SARS2: variants seen among roughly 807,000 people sequenced by gnomAD.
SARS2 encodes the protein seryl-tRNA synthetase 2, mitochondrial.
SARS2 carries 52 observed loss-of-function variants against 66.8 expected under a neutral mutation model. The observed-to-expected ratio is 0.78, with a 90% CI of 0.62 to 0.98. SARS2 has a LOEUF of 0.98. SARS2 is among the 50% of genes least tolerant of loss of function. The pLI is 0.00. For synonymous variants in SARS2, 306 were observed against 281.4 expected (o/e 1.09, Z -0.87); for missense variants, 673 against 706.3 (o/e 0.95, Z 0.53).
Position 38,930,757 on chromosome 19 carries a change from G to T in SARS2, c.-21C>A, listed in dbSNP as rs745872060. On this transcript the variant is annotated 5_prime_UTR_variant, in exon 1 of 16. Transcript: ENST00000221431. ...GCCATCTTGGACCGGGAACAAGGCG[G>T]CACTTCGTCCCGCCCACTCCGCGTT... 5.0e-6 allele frequency: 8 copies of T among 1,609,854 alleles called. No homozygotes were observed. Among genetic ancestry groups the T allele is most frequent in the African/African-American group, 2.7e-5 (2 of 74,932 alleles).
intron 1 of SARS2, 38 bp downstream of exon 1, chr19:38,930,432 A>C (rs1600175780): frequency 1.3e-6 from 2 of 1,564,610 alleles, no homozygotes; most frequent in African/African-American, 2.7e-5. Context: ...TCCGTAAAGC[A>C]AACGTCTGCG....
chr19:38,923,220 T>TG (rs2078796224), intron 2 of SARS2, among the ~76,000 whole-genome samples: 1 of 38,004 alleles, frequency 2.6e-5, no homozygotes, highest in East Asian at 1.0e-3. Flanking sequence ...TCAGGTTTTC[T>TG]TTTTTTTTTT....
intron 1 of SARS2, 126 bp downstream of exon 1, chr19:38,930,344 T>C: frequency 1.6e-6 from 2 of 1,268,332 alleles, no homozygotes; most frequent in Admixed American, 2.6e-5. Context: ...GCACAAGACG[T>C]TGGCTAACTT....
At position 38,915,551 on chromosome 19, in the gene SARS2, G is replaced by C. The variant is rs1480779855; in HGVS notation, c.*55C>G. On this transcript the variant is annotated 3_prime_UTR_variant, in exon 16 of 16. Transcript: ENST00000221431. ...GCAACACAGGTCCCAGGTGTCCGGGGTCTCCTGAACTCCAGGAAGCAGTGA... is the reference window on the plus strand; with the variant it reads ...GCAACACAGGTCCCAGGTGTCCGGGCTCTCCTGAACTCCAGGAAGCAGTGA... The C allele has an allele frequency of 7.9e-5, 127 of 1,597,606 alleles. No homozygotes were observed. Among genetic ancestry groups the C allele is most frequent in the Non-Finnish European group, 1.1e-4 (125 of 1,174,050 alleles).
chr19:38,923,639 A>G (rs1974579358), intron 2 of SARS2, among the ~76,000 whole-genome samples: 1 of 151,690 alleles, frequency 6.6e-6, no homozygotes, highest in South Asian at 2.1e-4. Flanking sequence ...GTTGGAGAGC[A>G]GCCTGGCCAA....
chr19:38,916,398 G>A (rs978743431), intron 12 of SARS2, 84 bp from the exon 13 acceptor site: 3 of 1,278,582 alleles, frequency 2.3e-6, no homozygotes, highest in South Asian at 1.2e-5. Flanking sequence ...GGAAGAGAAG[G>A]CAGCCAAAAA....
Position 38,922,274 on chromosome 19 carries a change from G to C in SARS2, c.364-7C>G. ...CACCACTGTCCTGGTTTGCCTGGTA[G>C]AAAAGAGACAGGGTGGGTGATTAGG... On this transcript the variant is annotated splice_polypyrimidine_tract_variant and splice_region_variant and intron_variant, in intron 2 of 15. Coordinates refer to ENST00000221431, the MANE Select transcript of SARS2 (RefSeq NM_017827.4). 1.2e-6 allele frequency: 2 copies of C among 1,614,050 alleles called. No homozygotes were observed. Among genetic ancestry groups the C allele is most frequent in the Non-Finnish European group, 1.7e-6 (2 of 1,179,946 alleles).
chr19:38,917,190 C>T (rs771812503), intron 12 of SARS2, among the ~76,000 whole-genome samples: 18 of 152,072 alleles, frequency 1.2e-4, no homozygotes, highest in Non-Finnish European at 2.1e-4. Context: ...GAACTCCTGG[C>T]CTCAAGCAAT....
Position 38,922,606 on chromosome 19 carries a change from C to T in SARS2, c.364-339G>A, listed in dbSNP as rs1324040808. Among the ~76,000 whole-genome samples the T allele has an allele frequency of 3.3e-5, 5 of 152,168 alleles. No individual in the cohort carries two copies. In the East Asian group the frequency reaches 9.6e-4, roughly 29 times the overall value. On this transcript the variant is annotated intron_variant, in intron 2 of 15. Transcript: ENST00000221431. The stretch of plus-strand genomic sequence containing the variant: ...CTGTGATATGGTTTGGCTGTGTCTC[C>T]ACCCAAATAATATCTCAAATTGTAA...
At chr19:38,918,576 T>C (rs754474435) in intron 8 of SARS2, 46 bp from the exon 9 acceptor site, 18 of 1,518,532 alleles carry the variant, frequency 1.2e-5, no homozygotes, top group Middle Eastern at 1.7e-4. Context: ...CAGGTAACCC[T>C]GGCCTCTCGT....
chr19:38,915,993 G>A, intron 14 of SARS2, 44 bp downstream of exon 14: 1 of 1,612,202 alleles, frequency 6.2e-7, no homozygotes, highest in Non-Finnish European at 8.5e-7. Flanking sequence ...GGCGGCAGAG[G>A]CTGCGGGCGA....
Position 38,918,739 on chromosome 19 carries a change from C to A in SARS2, c.807+27G>T, listed in dbSNP as rs115226793. The A allele has an allele frequency of 7.1e-6, 11 of 1,554,488 alleles. No individual in the cohort carries two copies. The South Asian group carries it at 1.1e-4, about 15-fold the overall frequency. On this transcript the variant is annotated intron_variant, in intron 8 of 15. Coordinates refer to ENST00000221431, the MANE Select transcript of SARS2 (RefSeq NM_017827.4). Reference sequence around the variant, plus strand: ...CGGCAGGGCCTGACACCCAGGTGGGCGAGGGAAGCGGAGAGGCCTCACTCA... The same window carrying A: ...CGGCAGGGCCTGACACCCAGGTGGGAGAGGGAAGCGGAGAGGCCTCACTCA...
At chr19:38,930,234 GAAAC>G (rs1395888148) in intron 1 of SARS2, 2 of 579,056 alleles carry the variant, frequency 3.5e-6, no homozygotes, top group African/African-American at 3.7e-5. Flanking sequence ...CGAGCAGTAT[GAAAC>G]AAGCGCATAA....
intron 1 of SARS2, among the ~76,000 whole-genome samples, chr19:38,928,993 G>A (rs1974678114): frequency 6.6e-6 from 1 of 152,132 alleles, no homozygotes; most frequent in African/African-American, 2.4e-5. Flanking sequence ...AAGGTGGGTG[G>A]ATCACTTGAG....
intron 1 of SARS2, among the ~76,000 whole-genome samples, chr19:38,929,636 T>C (rs534415430): frequency 1.3e-5 from 2 of 151,892 alleles, no homozygotes; most frequent in African/African-American, 4.8e-5. Flanking sequence ...CACTTCCCAG[T>C]TGCATGACCT....
chr19:38,916,282 A>C lies in SARS2; in HGVS notation c.1193T>G (p.Leu398Arg). The C allele has an allele frequency of 1.9e-6, 3 of 1,614,022 alleles. No individual in the cohort carries two copies. Among genetic ancestry groups the C allele is most frequent in the Non-Finnish European group, 2.5e-6 (3 of 1,179,974 alleles). ...AATGTCAAACTTGCGGTAGGCGGGGAGGCCCAGTTCTTGGGTGGGCATATC... is the reference window on the plus strand; with the variant it reads ...AATGTCAAACTTGCGGTAGGCGGGGCGGCCCAGTTCTTGGGTGGGCATATC... The part of the protein sequence containing the change: ...VLDMPTQELG[L>R]PAYRKFDIEA... The change falls in exon 13 of 16, where the codon CTC becomes CGC. Residue 398 changes from leucine to arginine, a missense_variant. By Grantham distance (102) the Leu-to-Arg change is moderately radical (BLOSUM62 -2). Transcript: ENST00000221431.
At chr19:38,923,065 G>A (rs941074092) in intron 2 of SARS2, among the ~76,000 whole-genome samples, 34 of 66,608 alleles carry the variant, frequency 5.1e-4, no homozygotes, top group African/African-American at 4.3e-3. Flanking sequence ...CACCACGATC[G>A]GCTAATTTTT....
intron 2 of SARS2, 63 bp downstream of exon 2, chr19:38,926,142 T>G: frequency 7.3e-7 from 1 of 1,364,794 alleles, no homozygotes; most frequent in Admixed American, 1.7e-5. Context: ...TTCGGTTTCC[T>G]GTTACCTGTG....
At position 38,922,279 on chromosome 19, in the gene SARS2, G is replaced by T. The variant is rs540398571; in HGVS notation, c.364-12C>A. On this transcript the variant is annotated splice_polypyrimidine_tract_variant and intron_variant, in intron 2 of 15. Coordinates refer to ENST00000221431, the MANE Select transcript of SARS2 (RefSeq NM_017827.4). Reference sequence around the variant, plus strand: ...CTGTCCTGGTTTGCCTGGTAGAAAAGAGACAGGGTGGGTGATTAGGTTGAC... The same window carrying T: ...CTGTCCTGGTTTGCCTGGTAGAAAATAGACAGGGTGGGTGATTAGGTTGAC... 1 of 1,614,072 alleles carries T rather than the reference G, an allele frequency of 6.2e-7. No individual in the cohort carries two copies. The highest frequency in any genetic ancestry group is 1.7e-5 in the Admixed American group (1 of 60,010).
Sources: gnomAD v4.1 joint callset for allele counts (sites outside exome capture counted in the v4.1 genomes callset) on GRCh38, gnomAD v4.1.1 for gene constraint, MANE v1.5 for transcripts, NCBI Gene and HGNC (gene_info 2026-07-23, HGNC 2026-07-21) for gene names.